The following IFIH1 variants were observed in gnomAD, a reference collection of about 807,000 sequenced individuals.
IFIH1 encodes interferon induced with helicase C domain 1.
Under a neutral mutation model 107.4 loss-of-function variants are expected in IFIH1, and 125 were observed. The ratio of observed to expected loss-of-function variants is 1.16; its 90% CI spans 1.01 to 1.35. The LOEUF is 1.35. Among genes scored for constraint, IFIH1 ranks in the 40% most tolerant of loss-of-function variants. The probability of loss-of-function intolerance (pLI) is 0.00; values close to 1 mark genes in which losing one functional copy is unlikely to be tolerated. For synonymous variants in IFIH1, 458 were observed against 413.2 expected (o/e 1.11, Z -1.31); for missense variants, 1,333 against 1,213.7 (o/e 1.10, Z -1.46).
chr2:162,282,740 A>G (rs1682833606), intron 5 of IFIH1, among the ~76,000 whole-genome samples, 164 bp from the exon 6 acceptor site: 1 of 152,030 alleles, frequency 6.6e-6, no homozygotes, highest in South Asian at 2.1e-4. Flanking sequence ...TCTGTCAATA[A>G]GCACTGATTA....
Position 162,282,484 on chromosome 2 carries a change from C to G in IFIH1, c.1188G>C (p.Leu396=). ...TGACAACTTCTGGAAATGATATTTT[C>G]AGTTGGGTATCACCACTTAATCCAA... ...RVIGLSGDTQ[L]KISFPEVVKS... Residue 396 remains leucine (L), a synonymous_variant, in exon 6 of 16, where the codon CTG becomes CTC. Transcript: ENST00000649979. 1 of 1,611,478 alleles carries G rather than the reference C, an allele frequency of 6.2e-7. No individual in the cohort carries two copies. Among genetic ancestry groups the G allele is most frequent in the Non-Finnish European group, 8.5e-7 (1 of 1,178,286 alleles).
chr2:162,287,263 A>T (rs1212832462), intron 5 of IFIH1, among the ~76,000 whole-genome samples: 1 of 151,962 alleles, frequency 6.6e-6, no homozygotes, highest in Non-Finnish European at 1.5e-5. Context: ...AATAAAAAAT[A>T]GAATATTTTA....
rs754771732 is a variant in IFIH1 at position 162,277,527 on chromosome 2, A to G, written c.1932T>C (p.Asp644=). Residue 644 remains aspartate, a synonymous_variant, in exon 10 of 16, where the codon GAT becomes GAC. Transcript: ENST00000649979. The stretch of plus-strand genomic sequence containing the variant: ...ACTCATCATCACCACCCTCATCACT[A>G]TCATCTTCTATGACTGCAAACTTCT... ...KDKKFAVIED[D]SDEGGDDEYC... 8.2e-6 allele frequency: 13 copies of G among 1,588,038 alleles called. No homozygotes were observed. In the East Asian group the frequency reaches 2.5e-4, roughly 30 times the overall value.
At chr2:162,306,092 G>A (rs546608986) in intron 3 of IFIH1, among the ~76,000 whole-genome samples, 2 of 152,316 alleles carry the variant, frequency 1.3e-5, no homozygotes, top group Admixed American at 1.3e-4. Flanking sequence ...TGGCAGAGAA[G>A]GGGAGAGGTG....
intron 2 of IFIH1, among the ~76,000 whole-genome samples, chr2:162,308,012 G>A (rs992309074): frequency 2.0e-5 from 3 of 152,128 alleles, no homozygotes; most frequent in Admixed American, 6.5e-5. Context: ...CTGGCCAAAG[G>A]TCACACATTC....
intron 1 of IFIH1, among the ~76,000 whole-genome samples, chr2:162,311,360 T>A (rs961430898): frequency 2.6e-5 from 4 of 152,046 alleles, no homozygotes; most frequent in African/African-American, 7.2e-5. Context: ...ATCTATGGAG[T>A]CTGTAAATGG....
intron 4 of IFIH1, among the ~76,000 whole-genome samples, chr2:162,292,531 G>A (rs1210461776): frequency 6.6e-6 from 1 of 151,802 alleles, no homozygotes; most frequent in East Asian, 1.9e-4. Flanking sequence ...TAGGATTGAT[G>A]ACAATCTTTC....
At chr2:162,288,042 CAT>C (rs1409700219) in intron 5 of IFIH1, 91 bp downstream of exon 5, 23 of 769,336 alleles carry the variant, frequency 3.0e-5, no homozygotes, top group Non-Finnish European at 3.7e-5. Context: ...TTAAACTAAA[CAT>C]GTGTGAGTCA....
In IFIH1 at chr2:162,281,531, T is replaced by C. The variant is rs2105202129; in HGVS notation, c.1321A>G (p.Ile441Val). The C allele has an allele frequency of 1.9e-6, 3 of 1,608,992 alleles. No individual in the cohort carries two copies. The highest frequency in any genetic ancestry group is 1.7e-6 in the Non-Finnish European group (2 of 1,176,452). The change falls in exon 7 of 16, where the codon ATC becomes GTC. Residue 441 changes from isoleucine (I) to valine (V), a missense_variant. By Grantham distance (29) the Ile-to-Val change is conservative. Transcript: ENST00000649979. ...GVQLSDFSLI[I>V]IDECHHTNKE... Reference sequence around the variant, plus strand: ...TTGGTGTGATGACATTCATCAATGATAATGAGGGAAAAGTCTTAAAAGAAA... The same window carrying C: ...TTGGTGTGATGACATTCATCAATGACAATGAGGGAAAAGTCTTAAAAGAAA...
chr2:162,308,620 C>T lies in IFIH1; in HGVS notation c.623-1765G>A, dbSNP rs190861558. 9.2e-4 allele frequency among the ~76,000 whole-genome samples: 140 copies of T among 152,224 alleles called. 1 individual carries two copies. Among genetic ancestry groups the T allele is most frequent in the African/African-American group, 2.8e-3 (118 of 41,528 alleles). On this transcript the variant is annotated intron_variant, in intron 2 of 15. Coordinates refer to ENST00000649979, the MANE Select transcript of IFIH1 (RefSeq NM_022168.4). Reference sequence around the variant, plus strand: ...CTCAAACTCCTGACCTCAGGTGATCCACCCGTCTTGGCCTCCCAAAGTGCT... The same window carrying T: ...CTCAAACTCCTGACCTCAGGTGATCTACCCGTCTTGGCCTCCCAAAGTGCT...
intron 2 of IFIH1, among the ~76,000 whole-genome samples, chr2:162,309,287 C>T (rs1007079767): frequency 6.6e-6 from 1 of 152,192 alleles, no homozygotes; most frequent in African/African-American, 2.4e-5. Context: ...GAGGATAGCT[C>T]TGCTTCTGAG....
chr2:162,272,111 A>T, intron 13 of IFIH1, 115 bp downstream of exon 13: 1 of 814,382 alleles, frequency 1.2e-6, no homozygotes, highest in Non-Finnish European at 2.0e-6. Context: ...TTCACTAAAC[A>T]GAAACTTATA....
chr2:162,311,825 G>A (rs1683389229), intron 1 of IFIH1, among the ~76,000 whole-genome samples: 1 of 152,066 alleles, frequency 6.6e-6, no homozygotes, highest in South Asian at 2.1e-4. Flanking sequence ...GTTACAATAT[G>A]TGGTTACAAG....
At chr2:162,281,662 A>G in intron 6 of IFIH1, 117 bp from the exon 7 acceptor site, 1 of 666,388 alleles carries the variant, frequency 1.5e-6, no homozygotes, top group African/African-American at 1.8e-5. Context: ...ACGACACAAG[A>G]GCAGTCCACT....
rs768832089 is a variant in IFIH1 at position 162,318,179 on chromosome 2, C to T, written c.129G>A (p.Lys43=). 1.2e-6 allele frequency: 2 copies of T among 1,614,210 alleles called. No homozygotes were observed. Among genetic ancestry groups the T allele is most frequent in the Admixed American group, 1.7e-5 (1 of 60,034 alleles). Residue 43 remains lysine (K), a synonymous_variant, in exon 1 of 16, where the codon AAG becomes AAA. Coordinates refer to ENST00000649979, the MANE Select transcript of IFIH1 (RefSeq NM_022168.4). ...DYLTFLPAEV[K]EQIQRTVATS... is the part of the protein sequence containing the mutation. ...TGGCGACTGTCCTCTGAATCTGCTC[C>T]TTCACCTCTGCAGGCAGAAAGGTCA...
At chr2:162,276,666 C>T (rs776232413) in intron 11 of IFIH1, 21 bp downstream of exon 11, 38 of 1,576,724 alleles carry the variant, frequency 2.4e-5, no homozygotes, top group East Asian at 9.0e-5. Context: ...GAAAAGAAGT[C>T]GTCCAAAAGG....
chr2:162,280,518 T>C (rs972914589), intron 7 of IFIH1, among the ~76,000 whole-genome samples: 1 of 151,908 alleles, frequency 6.6e-6, no homozygotes, highest in Non-Finnish European at 1.5e-5. Flanking sequence ...ATATCAAAGG[T>C]CAACTTGACA....
At position 162,306,835 on chromosome 2, in the gene IFIH1, C is replaced by T. The variant is rs930052265; in HGVS notation, c.643G>A (p.Val215Ile). 1.2e-6 allele frequency: 2 copies of T among 1,613,736 alleles called. No individual in the cohort carries two copies. The highest frequency in any genetic ancestry group is 1.7e-6 in the Non-Finnish European group (2 of 1,179,824). The part of the protein sequence containing the change: ...SNAEIENLSQ[V>I]DGPQVEEQLL... The stretch of plus-strand genomic sequence containing the variant: ...TGCTCTTCCACTTGAGGACCATCAA[C>T]TTGTGATAAATTCTCAATCTCTGTG... Residue 215 changes from valine (V) to isoleucine (I), a missense_variant, in exon 3 of 16, where the codon GTT (valine) becomes ATT (isoleucine). Val to Ile is a conservative substitution (Grantham distance 29). Transcript: ENST00000649979.
Position 162,318,348 on chromosome 2 carries a change from T to C in IFIH1, c.-41A>G, listed in dbSNP as rs1298568684. On this transcript the variant is annotated 5_prime_UTR_variant, in exon 1 of 16. Transcript: ENST00000649979. The stretch of plus-strand genomic sequence containing the variant: ...AAGGGAGAGGGTTCTCCCAAGCAGA[T>C]GGTGCTGTTGTCTGCGGGACAGGTG... 2 of 1,523,818 alleles carry C rather than the reference T, an allele frequency of 1.3e-6. No homozygotes were observed. The highest frequency in any genetic ancestry group is 1.8e-6 in the Non-Finnish European group (2 of 1,108,200). The allele number at this position is 1,523,818 out of a possible 1,614,324, so 94.4% of individuals were successfully genotyped here.
Sources: gnomAD v4.1 joint callset for allele counts (sites outside exome capture counted in the v4.1 genomes callset) on GRCh38, gnomAD v4.1.1 for gene constraint, MANE v1.5 for transcripts, NCBI Gene and HGNC (gene_info 2026-07-23, HGNC 2026-07-21) for gene names.